Variants in GSE1 observed in about 807,000 individuals in gnomAD.
GSE1 encodes Gse1 coiled-coil protein, also known as genetic suppressor element 1.
In GSE1, 32 loss-of-function variants were observed where a neutral mutation model predicts 112.6. That is an observed-to-expected ratio of 0.28 (90% CI 0.21 to 0.38). The LOEUF (loss-of-function observed/expected upper bound fraction) is 0.38, where lower values mean the gene tolerates loss of function less well. Among genes scored for constraint, GSE1 ranks in the 10% least tolerant of loss-of-function variants. GSE1 has a pLI of 1.00. For missense variants in GSE1, 2,348 were observed against 1,699.2 expected (o/e 1.38, Z -6.71); for synonymous variants, 1,115 against 735.6 (o/e 1.52, Z -8.35).
intron 1 of GSE1, among the ~76,000 whole-genome samples, chr16:85,215,147 C>G (rs958592568): frequency 6.6e-6 from 1 of 152,134 alleles, no homozygotes; most frequent in Non-Finnish European, 1.5e-5. Flanking sequence ...GCTTTGACTC[C>G]GAATTCTATT....
intron 1 of GSE1, among the ~76,000 whole-genome samples, chr16:85,580,449 C>G (rs1003987718): frequency 6.6e-6 from 1 of 152,178 alleles, no homozygotes; most frequent in South Asian, 2.1e-4. Flanking sequence ...TCTCTGCCTC[C>G]CCACTGAACT....
chr16:85,301,263 C>G lies in GSE1; in HGVS notation c.2284-56200C>G, dbSNP rs184383443. ...GCCTTTTGGGCCCAGGAAAGTGGTG[C>G]CCTTGGTGAATGTTTGCTAAGAACC... On this transcript the variant is annotated intron_variant, in intron 1 of 2. Coordinates refer to the GSE1 transcript ENST00000637419. 4.3e-4 allele frequency among the ~76,000 whole-genome samples: 66 copies of G among 152,306 alleles called. No individual in the cohort carries two copies. The South Asian group carries it at 5.6e-3, about 13-fold the overall frequency.
chr16:85,479,662 C>T (rs912811108), intron 2 of GSE1, among the ~76,000 whole-genome samples: 1 of 152,134 alleles, frequency 6.6e-6, no homozygotes, highest in Admixed American at 6.5e-5. Flanking sequence ...AGGTTTTTAG[C>T]TCACCAACCC....
At chr16:85,653,320 T>C (rs1192615609) in intron 3 of GSE1, among the ~76,000 whole-genome samples, 3 of 40,700 alleles carry the variant, frequency 7.4e-5, no homozygotes, top group Non-Finnish European at 1.4e-4. Context: ...CTCCTCCTCC[T>C]CCTCCCACTT....
At chr16:85,559,855 T>C (rs2045427754) in intron 1 of GSE1, among the ~76,000 whole-genome samples, 2 of 152,172 alleles carry the variant, frequency 1.3e-5, no homozygotes, top group Admixed American at 6.5e-5. Context: ...AGCTTTCACA[T>C]TATAATGGCC....
intron 2 of GSE1, among the ~76,000 whole-genome samples, chr16:85,370,848 G>A (rs1052702991): frequency 3.3e-5 from 5 of 152,230 alleles, no homozygotes; most frequent in Admixed American, 3.3e-4. Flanking sequence ...GCTGCCCACG[G>A]AGTTGACAGG....
chr16:85,557,932 T>C (rs928167470), intron 1 of GSE1, among the ~76,000 whole-genome samples: 1 of 152,184 alleles, frequency 6.6e-6, no homozygotes, highest in African/African-American at 2.4e-5. Flanking sequence ...GAATATTGAA[T>C]ATTTTCCAGC....
At chr16:85,385,710 C>G (rs1186702925) in intron 2 of GSE1, among the ~76,000 whole-genome samples, 2 of 152,232 alleles carry the variant, frequency 1.3e-5, no homozygotes, top group East Asian at 1.9e-4. Flanking sequence ...CCCGCTCTCG[C>G]GAGGCAGCCG....
chr16:85,553,308 CGCT>C (rs1019545127), upstream of GSE1, among the ~76,000 whole-genome samples: 1 of 149,372 alleles, frequency 6.7e-6, no homozygotes, highest in Admixed American at 6.6e-5. Context: ...CCGCCGCCGC[CGCT>C]GCCGGCGGGT....
In GSE1 at chr16:85,310,780, TC is replaced by T. The variant is rs561461500; in HGVS notation, c.2284-46674del. Among the ~76,000 whole-genome samples, 1,254 of 144,448 alleles carry T rather than the reference TC, an allele frequency of 8.7e-3. 26 individuals carry two copies. Among genetic ancestry groups the T allele is most frequent in the African/African-American group, 0.03 (1,174 of 38,940 alleles). The allele number at this position is 144,448 out of a possible 152,430, so 94.8% of individuals were successfully genotyped here. A position where few individuals can be genotyped will look rare whatever the true frequency, so the allele number is the denominator to read the frequency against. On this transcript the variant is annotated intron_variant, in intron 1 of 2. Transcript: ENST00000637419. ...TGCTCGGAGCAACCTCTGGCCTGCG[TC>T]CCCCCCCCACCCACCTCCCCAGCCC...
At chr16:85,590,344 C>CGT (rs2046941482) in intron 1 of GSE1, among the ~76,000 whole-genome samples, 1 of 140,670 alleles carries the variant, frequency 7.1e-6, no homozygotes, top group African/African-American at 2.7e-5. Context: ...GTGATTAACG[C>CGT]GTGGGCCTGC....
chr16:85,412,776 C>T (rs1324724933), intron 2 of GSE1, among the ~76,000 whole-genome samples: 1 of 152,256 alleles, frequency 6.6e-6, no homozygotes, highest in African/African-American at 2.4e-5. Flanking sequence ...TCTGATAATC[C>T]TCGCTGACCT....
chr16:85,647,699 GC>G (rs1466786662), intron 2 of GSE1, among the ~76,000 whole-genome samples: 1 of 152,120 alleles, frequency 6.6e-6, no homozygotes, highest in African/African-American at 2.4e-5. Flanking sequence ...CGATTCTCCT[GC>G]CTCCGCCTCC....
At chr16:85,508,001 G>A (rs1034490408) in intron 2 of GSE1, among the ~76,000 whole-genome samples, 37 of 152,098 alleles carry the variant, frequency 2.4e-4, no homozygotes, top group African/African-American at 5.3e-4. Flanking sequence ...GCCCCCTGCC[G>A]AGGTGGCCAG....
chr16:85,399,942 G>A lies in GSE1; in HGVS notation c.2464+42299G>A, dbSNP rs2151667343. Among the ~76,000 whole-genome samples the A allele has an allele frequency of 1.3e-5, 2 of 152,270 alleles. 1 individual carries two copies. The highest frequency in any genetic ancestry group is 4.1e-4 in the South Asian group (2 of 4,826). Reference sequence around the variant, plus strand: ...CAGGCCACTGCACACCCAGCTACAGGGGGCTGTGCCCTGGAGCTGCGCCCC... The same window carrying A: ...CAGGCCACTGCACACCCAGCTACAGAGGGCTGTGCCCTGGAGCTGCGCCCC... On this transcript the variant is annotated intron_variant, in intron 2 of 2. Coordinates refer to the GSE1 transcript ENST00000637419.
At chr16:85,180,899 T>A (rs781624139) in intron 1 of GSE1, among the ~76,000 whole-genome samples, 13 of 152,268 alleles carry the variant, frequency 8.5e-5, no homozygotes, top group Non-Finnish European at 1.6e-4. Flanking sequence ...ACCAGTGATG[T>A]CACCTTAAAA....
In GSE1 at chr16:85,338,345, G is replaced by C. The variant is rs1649737754; in HGVS notation, c.2284-19118G>C. Reference sequence around the variant, plus strand: ...GAGTGCCCTCCTAACCTTCCGGGCTGCTCTGAGTGGTAGATGTCCCCCAAG... The same window carrying C: ...GAGTGCCCTCCTAACCTTCCGGGCTCCTCTGAGTGGTAGATGTCCCCCAAG... On this transcript the variant is annotated intron_variant, in intron 1 of 2. Coordinates refer to the GSE1 transcript ENST00000637419. Among the ~76,000 whole-genome samples, 4 of 152,370 alleles carry C rather than the reference G, an allele frequency of 2.6e-5. No homozygotes were observed. The South Asian group carries it at 8.3e-4, about 32-fold the overall frequency.
chr16:85,408,502 T>G (rs1356979984), intron 2 of GSE1, among the ~76,000 whole-genome samples: 1 of 51,824 alleles, frequency 1.9e-5, no homozygotes, highest in Admixed American at 1.7e-4. Flanking sequence ...TGGATAATCC[T>G]CACTGTTACA....
chr16:85,265,429 G>A (rs575840665), intron 1 of GSE1, among the ~76,000 whole-genome samples: 15 of 152,238 alleles, frequency 9.9e-5, no homozygotes, highest in African/African-American at 3.1e-4. Flanking sequence ...CCCCAGACCC[G>A]CGCTAATGCA....
Sources: gnomAD v4.1 joint callset for allele counts (sites outside exome capture counted in the v4.1 genomes callset) on GRCh38, gnomAD v4.1.1 for gene constraint, MANE v1.5 for transcripts, NCBI Gene and HGNC (gene_info 2026-07-23, HGNC 2026-07-21) for gene names.